Variants in DPYSL2 observed in about 807,000 individuals in gnomAD.
The protein encoded by DPYSL2 is dihydropyrimidinase-related protein 2.
In DPYSL2, 13 loss-of-function variants were observed where a neutral mutation model predicts 69.9. The observed-to-expected ratio is 0.19, with a 90% CI of 0.12 to 0.30. The LOEUF is 0.30. DPYSL2 is among the 10% of genes least tolerant of loss of function. The probability of loss-of-function intolerance (pLI) is 1.00; values close to 1 mark genes in which losing one functional copy is unlikely to be tolerated. For missense variants in DPYSL2, 587 were observed against 918.9 expected, an observed-to-expected ratio of 0.64 and a Z score of 4.67; for synonymous variants, 326 against 359.1, an observed-to-expected ratio of 0.91 and a Z score of 1.04.
intron 10 of DPYSL2, among the ~76,000 whole-genome samples, chr8:26,646,391 T>C (rs1803165000): frequency 6.6e-6 from 1 of 152,212 alleles, no homozygotes; most frequent in South Asian, 2.1e-4. Context: ...CACCAATATA[T>C]GTCATTCCCC....
intron 7 of DPYSL2, among the ~76,000 whole-genome samples, chr8:26,631,951 G>T (rs796250678): frequency 4.6e-5 from 7 of 152,308 alleles, no homozygotes; most frequent in African/African-American, 1.7e-4. Flanking sequence ...GTGAATTTTA[G>T]CTTCCCAGTC....
rs1801056967 is a variant in DPYSL2 at position 26,560,682 on chromosome 8, C to A, written c.355-21287C>A. Among the ~76,000 whole-genome samples the A allele has an allele frequency of 6.6e-6, 1 of 152,166 alleles. No homozygotes were observed. The highest frequency in any genetic ancestry group is 2.4e-5 in the African/African-American group (1 of 41,436). On this transcript the variant is annotated intron_variant, in intron 1 of 13. Transcript: ENST00000521913. The surrounding 1 kb of genome is among the most constrained non-coding windows in gnomAD (Gnocchi z 4.4). ...TAGAAGCATTAAAACAGTAAGCAGC[C>A]ATCATTTTTGGGCAGAGGGAGATAT...
intron 7 of DPYSL2, among the ~76,000 whole-genome samples, chr8:26,631,504 G>A (rs1008987231): frequency 2.0e-5 from 3 of 152,198 alleles, no homozygotes; most frequent in Admixed American, 6.5e-5. Flanking sequence ...AATTTGAGAT[G>A]AGATTTGGGT....
intron 1 of DPYSL2, among the ~76,000 whole-genome samples, chr8:26,566,119 G>T (rs1801145465): frequency 6.6e-6 from 1 of 152,230 alleles, no homozygotes; most frequent in African/African-American, 2.4e-5. Flanking sequence ...TAAATGTGCA[G>T]AAGTGTCTTG....
Position 26,609,339 on chromosome 8 carries a change from T to TG in DPYSL2, c.629-14800dup, listed in dbSNP as rs1802177633. Among the ~76,000 whole-genome samples the TG allele has an allele frequency of 6.6e-6, 1 of 152,164 alleles. No homozygotes were observed. Among genetic ancestry groups the TG allele is most frequent in the Admixed American group, 6.5e-5 (1 of 15,286 alleles). Reference sequence around the variant, plus strand: ...TTATTAACAATGGCTTTGGGGCTTTTGGGGCGCATTTAGTTCTGCACGTTG... The same window carrying TG: ...TTATTAACAATGGCTTTGGGGCTTTTGGGGGCGCATTTAGTTCTGCACGTTG... On this transcript the variant is annotated intron_variant, in intron 3 of 13. Transcript: ENST00000521913. The surrounding 1 kb of genome is among the most constrained non-coding windows in gnomAD (Gnocchi z 6.5).
In DPYSL2 at chr8:26,643,638, T is replaced by C. The variant is rs776011503; in HGVS notation, c.1283+43T>C. 4 of 1,613,756 alleles carry C rather than the reference T, an allele frequency of 2.5e-6. No individual in the cohort carries two copies. Among genetic ancestry groups the C allele is most frequent in the Non-Finnish European group, 3.4e-6 (4 of 1,179,786 alleles). The stretch of plus-strand genomic sequence containing the variant: ...GTTCACACTTCACATTCTGTCTTTC[T>C]TCAGACCAGACTGACCTGTTAGGCG... On this transcript the variant is annotated intron_variant, in intron 9 of 13. Transcript: ENST00000521913. This position sits in a 1 kb window ranked among gnomAD's most constrained non-coding sequence, Gnocchi z 6.5.
At chr8:26,602,418 T>G (rs1346452555) in intron 3 of DPYSL2, among the ~76,000 whole-genome samples, 1 of 152,140 alleles carries the variant, frequency 6.6e-6, no homozygotes, top group Admixed American at 6.5e-5. Flanking sequence ...TTTGGATGTT[T>G]TGGATGTAAC....
chr8:26,590,920 G>A (rs909478450), intron 3 of DPYSL2, among the ~76,000 whole-genome samples: 2 of 152,248 alleles, frequency 1.3e-5, no homozygotes, highest in Non-Finnish European at 2.9e-5. Flanking sequence ...GCCTGTGGGG[G>A]TTAGGAACTT....
In DPYSL2 at chr8:26,556,172, TA is replaced by T. The variant is rs1224634069; in HGVS notation, c.355-25796del. 6.0e-3 allele frequency among the ~76,000 whole-genome samples: 166 copies of T among 27,762 alleles called. 50 individuals are homozygous for T. Among genetic ancestry groups the T allele is most frequent in the African/African-American group, 0.021 (163 of 7,638 alleles). The allele number at this position is 27,762 out of a possible 152,430, so 18.2% of individuals were successfully genotyped here. On this transcript the variant is annotated intron_variant, in intron 1 of 13. Coordinates refer to ENST00000521913, the MANE Select transcript of DPYSL2 (RefSeq NM_001197293.3). ...TATACTATATATAGTATATACTATA[TA>T]TAGTATATACTATATATATTATATA... is the stretch of plus-strand genomic sequence containing the variant.
intron 1 of DPYSL2, among the ~76,000 whole-genome samples, chr8:26,575,564 C>T (rs535002174): frequency 2.4e-4 from 37 of 152,242 alleles, no homozygotes; most frequent in Admixed American, 7.2e-4. Context: ...TCAGTTTATA[C>T]CTTACATTTT....
Position 26,571,032 on chromosome 8 carries a change from C to T in DPYSL2, c.355-10937C>T, listed in dbSNP as rs559977873. 2.0e-5 allele frequency among the ~76,000 whole-genome samples: 3 copies of T among 152,172 alleles called. No homozygotes were observed. Among genetic ancestry groups the T allele is most frequent in the Non-Finnish European group, 4.4e-5 (3 of 68,032 alleles). On this transcript the variant is annotated intron_variant, in intron 1 of 13. Coordinates refer to ENST00000521913, the MANE Select transcript of DPYSL2 (RefSeq NM_001197293.3). This position sits in a 1 kb window ranked among gnomAD's most constrained non-coding sequence, Gnocchi z 6.1. ...GATTGTACTGTTTCCAGAAGGCAGA[C>T]AAGTGGAATGAGAGGGATAATATTT...
At chr8:26,555,617 G>A (rs990730298) in intron 1 of DPYSL2, among the ~76,000 whole-genome samples, 1 of 152,080 alleles carries the variant, frequency 6.6e-6, no homozygotes, top group African/African-American at 2.4e-5. Context: ...GGAAAGGCTT[G>A]GTGCAGTGGC....
chr8:26,603,044 A>G (rs1049971945), intron 3 of DPYSL2, among the ~76,000 whole-genome samples: 1 of 152,180 alleles, frequency 6.6e-6, no homozygotes, highest in Non-Finnish European at 1.5e-5. Flanking sequence ...AGTCTGGTGT[A>G]TTTTAGAATT....
rs1330308512 is a variant in DPYSL2 at position 26,621,282 on chromosome 8, T to C, written c.629-2861T>C. Among the ~76,000 whole-genome samples the C allele has an allele frequency of 6.6e-6, 1 of 152,246 alleles. No homozygotes were observed. Among genetic ancestry groups the C allele is most frequent in the Non-Finnish European group, 1.5e-5 (1 of 68,048 alleles). ...AAAATTTTCTGTATTTTTGAAATTTTCTACTCAAAGAATCATATCATCAGA... is the reference window on the plus strand; with the variant it reads ...AAAATTTTCTGTATTTTTGAAATTTCCTACTCAAAGAATCATATCATCAGA... On this transcript the variant is annotated intron_variant, in intron 3 of 13. Coordinates refer to ENST00000521913, the MANE Select transcript of DPYSL2 (RefSeq NM_001197293.3). This position sits in a 1 kb window ranked among gnomAD's most constrained non-coding sequence, Gnocchi z 4.9.
At position 26,647,270 on chromosome 8, in the gene DPYSL2, C is replaced by T. The variant is rs1448699208; in HGVS notation, c.1426-360C>T. Among the ~76,000 whole-genome samples, 1 of 152,164 alleles carries T rather than the reference C, an allele frequency of 6.6e-6. No homozygotes were observed. On this transcript the variant is annotated intron_variant, in intron 10 of 13. Coordinates refer to ENST00000521913, the MANE Select transcript of DPYSL2 (RefSeq NM_001197293.3). The surrounding 1 kb of genome is among the most constrained non-coding windows in gnomAD (Gnocchi z 5.1). ...ACAGTGTCACAATGTGTGGGTATAGCTCTAGGCTGTGTGGCCACCTGTGGA... is the reference window on the plus strand; with the variant it reads ...ACAGTGTCACAATGTGTGGGTATAGTTCTAGGCTGTGTGGCCACCTGTGGA...
In DPYSL2 at chr8:26,641,711, T is replaced by C. The variant is rs327218; in HGVS notation, c.1127-1728T>C. The stretch of plus-strand genomic sequence containing the variant: ...ACCTAGCACTGGCCCTTTTCTTCCT[T>C]GGGGCTTCCTTCTGGAGGAGGTTTC... On this transcript the variant is annotated intron_variant, in intron 8 of 13. Coordinates refer to ENST00000521913, the MANE Select transcript of DPYSL2 (RefSeq NM_001197293.3). This position sits in a 1 kb window ranked among gnomAD's most constrained non-coding sequence, Gnocchi z 4.1. 0.97 allele frequency among the ~76,000 whole-genome samples: 147,560 copies of C among 152,274 alleles called. 71,540 individuals are homozygous for C. Among genetic ancestry groups the C allele is most frequent in the Non-Finnish European group, 0.99 (67,330 of 68,022 alleles).
intron 8 of DPYSL2, among the ~76,000 whole-genome samples, chr8:26,638,855 C>T (rs146626748): frequency 6.6e-6 from 1 of 152,214 alleles, no homozygotes; most frequent in Non-Finnish European, 1.5e-5. Flanking sequence ...CCATGGAGGG[C>T]CCCTTGTGGG....
At chr8:26,537,366 G>A (rs1306890158) in intron 1 of DPYSL2, among the ~76,000 whole-genome samples, 1 of 152,072 alleles carries the variant, frequency 6.6e-6, no homozygotes, top group East Asian at 1.9e-4. Flanking sequence ...GATTCAGCAT[G>A]GGGTCCCAAA....
intron 1 of DPYSL2, among the ~76,000 whole-genome samples, chr8:26,568,213 C>T (rs553787417): frequency 6.6e-6 from 1 of 152,278 alleles, no homozygotes; most frequent in East Asian, 1.9e-4. Flanking sequence ...GGAGACCAGT[C>T]GTTGGGTTGA....
Sources: allele counts gnomAD v4.1 joint callset (sites outside exome capture counted in the v4.1 genomes callset), GRCh38; gene constraint gnomAD v4.1.1; non-coding constraint Gnocchi (gnomAD v3.1); transcripts MANE v1.5; gene names NCBI Gene and HGNC (gene_info 2026-07-23, HGNC 2026-07-21).